The following CTCF variants were observed in gnomAD, a reference collection of about 807,000 sequenced individuals.
CTCF encodes CCCTC-binding factor.
Under a neutral mutation model 72.3 loss-of-function variants are expected in CTCF, and 7 were observed. The ratio of observed to expected loss-of-function variants is 0.10; its 90% CI spans 0.06 to 0.18. The LOEUF (loss-of-function observed/expected upper bound fraction) is 0.18, where lower values mean the gene tolerates loss of function less well. Among genes scored for constraint, CTCF ranks in the 10% least tolerant of loss-of-function variants. CTCF has a pLI of 1.00. For missense variants in CTCF, 516 were observed against 949.1 expected, an observed-to-expected ratio of 0.54 and a Z score of 6.00; for synonymous variants, 374 against 315.8, an observed-to-expected ratio of 1.18 and a Z score of -1.95.
Position 67,621,411 on chromosome 16 carries a change from T to C in CTCF, c.1208-31T>C, listed in dbSNP as rs1209312444. On this transcript the variant is annotated intron_variant, in intron 6 of 11. Transcript: ENST00000264010. Reference sequence around the variant, plus strand: ...TAAATTACAGTATTTATTCATTTCATTTATGTGTTCATTCTGTATTTTCTT... The same window carrying C: ...TAAATTACAGTATTTATTCATTTCACTTATGTGTTCATTCTGTATTTTCTT... 6.7e-6 allele frequency: 10 copies of C among 1,500,656 alleles called. No individual in the cohort carries two copies. In the South Asian group the frequency reaches 1.1e-4, roughly 17 times the overall value. The allele number at this position is 1,500,656 out of a possible 1,614,324, so 93.0% of individuals were successfully genotyped here. A position where few individuals can be genotyped will look rare whatever the true frequency, so the allele number is the denominator to read the frequency against.
intron 6 of CTCF, 183 bp from the exon 7 acceptor site, chr16:67,621,259 A>G: frequency 1.9e-6 from 1 of 529,074 alleles, no homozygotes; most frequent in South Asian, 2.9e-5. Context: ...GGTGGCCAGC[A>G]GCAGTTTAGG....
chr16:67,610,324 A>G lies in CTCF; in HGVS notation c.-9-500A>G, dbSNP rs200641821. The stretch of plus-strand genomic sequence containing the variant: ...TTTGGAGTTTGTTTGACAAAATTGC[A>G]TTATAGGTAGTGGTTTTTTCTTTTT... On this transcript the variant is annotated intron_variant, in intron 2 of 11. Coordinates refer to ENST00000264010, the MANE Select transcript of CTCF (RefSeq NM_006565.4). Among the ~76,000 whole-genome samples, 4 of 144,906 alleles carry G rather than the reference A, an allele frequency of 2.8e-5. No individual in the cohort carries two copies. In the East Asian group the frequency reaches 6.0e-4, roughly 22 times the overall value.
At chr16:67,601,255 T>TGTGTG (rs1491534855) in intron 2 of CTCF, among the ~76,000 whole-genome samples, 2 of 126,450 alleles carry the variant, frequency 1.6e-5, no homozygotes, top group African/African-American at 5.8e-5. Flanking sequence ...TGTGTGTGTG[T>TGTGTG]TTTGTTTTGT....
intron 2 of CTCF, among the ~76,000 whole-genome samples, chr16:67,573,153 G>A (rs1186997481): frequency 6.6e-6 from 1 of 151,940 alleles, no homozygotes. Flanking sequence ...TCGGGAGGCT[G>A]AGGCAGAAGA....
chr16:67,627,320 C>T (rs1410161209), intron 8 of CTCF: 1 of 151,964 alleles, frequency 6.6e-6, no homozygotes, highest in African/African-American at 2.4e-5. Flanking sequence ...CGGTGAAACC[C>T]CGCCTCTACT....
At chr16:67,587,133 G>T (rs1402471663) in intron 2 of CTCF, among the ~76,000 whole-genome samples, 1 of 143,030 alleles carries the variant, frequency 7.0e-6, no homozygotes, top group African/African-American at 2.6e-5. Flanking sequence ...TGGAGACAGG[G>T]TCTCGCTCTG....
intron 2 of CTCF, among the ~76,000 whole-genome samples, chr16:67,582,658 A>C (rs905607800): frequency 6.6e-6 from 1 of 152,142 alleles, no homozygotes; most frequent in African/African-American, 2.4e-5. Flanking sequence ...GCGCCACTGC[A>C]CTCCATCCTG....
At chr16:67,598,598 C>T (rs1251839648) in intron 2 of CTCF, among the ~76,000 whole-genome samples, 1 of 152,158 alleles carries the variant, frequency 6.6e-6, no homozygotes, top group Non-Finnish European at 1.5e-5. Context: ...ATAGGTTTCA[C>T]AATGAAAGAA....
chr16:67,624,067 A>ATGTG (rs1330400010), intron 7 of CTCF, among the ~76,000 whole-genome samples: 8 of 96,430 alleles, frequency 8.3e-5, no homozygotes, highest in African/African-American at 2.4e-4. Flanking sequence ...AAAAAAAATT[A>ATGTG]TATATGTGTG....
At chr16:67,620,914 A>C in intron 6 of CTCF, 97 bp downstream of exon 6, 1 of 998,556 alleles carries the variant, frequency 1.0e-6, no homozygotes, top group Non-Finnish European at 1.4e-6. Flanking sequence ...GTTTATATGA[A>C]TGAAGACTGG....
intron 2 of CTCF, among the ~76,000 whole-genome samples, chr16:67,584,334 C>CGTCTTTTTTTTTTTTTTTTTTTTTTTT (rs1567596519): frequency 8.2e-6 from 1 of 121,928 alleles, no homozygotes. Context: ...AAAAAAAAGT[C>CGTCTTTTTTTTTTTTTTTTTTTTTTTT]TTCTTTTTTT....
At chr16:67,612,889 G>T (rs1291065322) in intron 4 of CTCF, among the ~76,000 whole-genome samples, 1 of 152,160 alleles carries the variant, frequency 6.6e-6, no homozygotes, top group Admixed American at 6.5e-5. Flanking sequence ...AATGAGCTGA[G>T]ATAGTGCTAC....
chr16:67,634,937 A>G (rs942940368), intron 10 of CTCF, among the ~76,000 whole-genome samples: 4 of 151,978 alleles, frequency 2.6e-5, no homozygotes, highest in Non-Finnish European at 4.4e-5. Flanking sequence ...TCCTAACCTC[A>G]GGTGATCCAC....
intron 2 of CTCF, among the ~76,000 whole-genome samples, chr16:67,576,819 C>T (rs896659118): frequency 2.7e-4 from 41 of 151,888 alleles, no homozygotes; most frequent in African/African-American, 9.2e-4. Flanking sequence ...CGTGAGCCAC[C>T]GTGCCTGGCC....
intron 2 of CTCF, among the ~76,000 whole-genome samples, chr16:67,579,091 C>A (rs1242440821): frequency 1.3e-5 from 2 of 151,626 alleles, no homozygotes; most frequent in African/African-American, 2.4e-5. Flanking sequence ...CCCATCTCTA[C>A]TAAAAATACA....
chr16:67,599,269 C>A (rs1049475002), intron 2 of CTCF, among the ~76,000 whole-genome samples: 5 of 152,198 alleles, frequency 3.3e-5, no homozygotes, highest in Non-Finnish European at 7.3e-5. Flanking sequence ...GTGGCACGCG[C>A]TGGTAGTCCC....
intron 2 of CTCF, among the ~76,000 whole-genome samples, chr16:67,595,829 T>TA (rs2051805442): frequency 6.6e-6 from 1 of 152,184 alleles, no homozygotes; most frequent in African/African-American, 2.4e-5. Flanking sequence ...TTCTCCATAT[T>TA]ATGTATTAAA....
intron 6 of CTCF, 131 bp from the exon 7 acceptor site, chr16:67,621,311 A>G (rs549292363): frequency 1.2e-5 from 8 of 652,608 alleles, no homozygotes; most frequent in Admixed American, 1.1e-4. Context: ...GGGAACTGGG[A>G]CTGAGCCTCA....
chr16:67,611,117 T>C lies in CTCF; in HGVS notation c.285T>C (p.Ile95=), dbSNP rs780347111. ...EAEAAVDDTQ[I]ITLQVVNMEE... ...AGGCTGCTGTGGACGATACCCAGAT[T>C]ATAACTTTACAGGTTGTAAATATGG... The change falls in exon 3 of 12, where the codon ATT becomes ATC. Residue 95 remains isoleucine, a synonymous_variant. Transcript: ENST00000264010. The C allele has an allele frequency of 7.4e-6, 12 of 1,614,054 alleles. No individual in the cohort carries two copies. Among genetic ancestry groups the C allele is most frequent in the South Asian group, 1.1e-5 (1 of 91,086 alleles).
Sources: gnomAD v4.1 joint callset for allele counts (sites outside exome capture counted in the v4.1 genomes callset) on GRCh38, gnomAD v4.1.1 for gene constraint, MANE v1.5 for transcripts, NCBI Gene and HGNC (gene_info 2026-07-23, HGNC 2026-07-21) for gene names.